FILIP1L: variants seen among roughly 807,000 people sequenced by gnomAD.
FILIP1L encodes filamin A interacting protein 1 like, also known as filamin A-interacting protein 1-like.
A neutral mutation model predicts 96.6 loss-of-function variants in FILIP1L; 55 were observed. The observed-to-expected ratio is 0.57, with a 90% CI of 0.46 to 0.71. The LOEUF is 0.71. Ranked by LOEUF, FILIP1L falls within the 30% of genes least tolerant of loss-of-function variation. The pLI is 0.00. For synonymous variants in FILIP1L, 467 were observed against 473.9 expected (o/e 0.99, Z 0.19); for missense variants, 1,304 against 1,321.2 (o/e 0.99, Z 0.20).
chr3:100,009,719 G>T (rs1363986780), intron 1 of FILIP1L, among the ~76,000 whole-genome samples: 3 of 152,192 alleles, frequency 2.0e-5, no homozygotes, highest in African/African-American at 7.2e-5. Flanking sequence ...CCTTTTTCTT[G>T]AGTCATAGGA....
In FILIP1L at chr3:99,931,718, G is replaced by A. The variant is rs187700745; in HGVS notation, c.-10-688C>T. On this transcript the variant is annotated intron_variant, in intron 1 of 5. Coordinates refer to ENST00000477258, the MANE Select transcript of FILIP1L (RefSeq NM_001387850.1). ...TATTTAGGACCCTCATCTTCAAAGC[G>A]GAGATACTACTACCTAACGTAGTTG... 6.6e-4 allele frequency among the ~76,000 whole-genome samples: 101 copies of A among 152,194 alleles called. 1 individual carries two copies. Among genetic ancestry groups the A allele is most frequent in the Admixed American group, 2.7e-3 (41 of 15,274 alleles).
Position 99,849,497 on chromosome 3 carries a change from G to T in FILIP1L, c.2179C>A (p.His727Asn). Residue 727 changes from histidine to asparagine, a missense_variant, in exon 5 of 6, where the codon CAT (histidine) becomes AAT (asparagine). His to Asn is a moderately conservative substitution (Grantham distance 68, BLOSUM62 1). Coordinates refer to ENST00000477258, the MANE Select transcript of FILIP1L (RefSeq NM_001387850.1). ...AGGTCTTCAGTTGCCATGTATTCAT[G>T]AATTTTCTCTTTTAATGCATCCACT... Reference protein sequence around the residue: ...REVDALKEKIHEYMATEDLIC... With the variant: ...REVDALKEKINEYMATEDLIC... The T allele has an allele frequency of 6.2e-7, 1 of 1,613,378 alleles. No homozygotes were observed. The highest frequency in any genetic ancestry group is 8.5e-7 in the Non-Finnish European group (1 of 1,179,892).
At chr3:99,943,576 C>T (rs1050360130) in intron 1 of FILIP1L, among the ~76,000 whole-genome samples, 9 of 151,936 alleles carry the variant, frequency 5.9e-5, no homozygotes, top group Admixed American at 2.6e-4. Context: ...TGGTGGCATG[C>T]GCCTGTAGTC....
chr3:99,923,093 A>AT (rs368917169), intron 4 of FILIP1L, among the ~76,000 whole-genome samples: 59 of 142,656 alleles, frequency 4.1e-4, no homozygotes, highest in East Asian at 8.1e-4. Context: ...AGCTTCCACC[A>AT]TTTTTTTTTT....
rs1559658765 is a variant in FILIP1L at position 99,850,800 on chromosome 3, C to CTCTA, written c.872_875dup (p.Glu292AspfsTer26). On this transcript the variant is annotated frameshift_variant, in exon 5 of 6. Coordinates refer to ENST00000477258, the MANE Select transcript of FILIP1L (RefSeq NM_001387850.1). LOFTEE classifies it high-confidence loss of function. The stretch of plus-strand genomic sequence containing the variant: ...TTGTGGTCTGCGTTTGCAGTTCCTT[C>CTCTA]TCTAGTCTGGTTGCCTTCTGCTCTT... 7 of 1,614,188 alleles carry CTCTA rather than the reference C, an allele frequency of 4.3e-6. No homozygotes were observed. The highest frequency in any genetic ancestry group is 1.7e-5 in the Admixed American group (1 of 60,018).
chr3:99,887,261 C>T (rs918678224), intron 4 of FILIP1L, among the ~76,000 whole-genome samples: 1 of 151,324 alleles, frequency 6.6e-6, no homozygotes, highest in South Asian at 2.1e-4. Flanking sequence ...CAGCAAAACT[C>T]CATCTCAAAA....
chr3:100,041,179 C>T (rs1410661176), intron 1 of FILIP1L: 2 of 152,142 alleles, frequency 1.3e-5, no homozygotes, highest in African/African-American at 4.8e-5. Context: ...CTTCTGCCTG[C>T]CCCACCCTAA....
chr3:99,963,905 C>T (rs754447420), intron 1 of FILIP1L, among the ~76,000 whole-genome samples: 157 of 152,232 alleles, frequency 1.0e-3, no homozygotes, highest in African/African-American at 3.4e-3. Context: ...TGTGAGCCAC[C>T]GCGCCCAGCC....
In FILIP1L at chr3:99,951,405, G is replaced by A. The variant is rs78106979; in HGVS notation, c.-10-20375C>T. Among the ~76,000 whole-genome samples the A allele has an allele frequency of 5.2e-3, 788 of 152,152 alleles. 11 individuals are homozygous for A. Among genetic ancestry groups the A allele is most frequent in the African/African-American group, 0.017 (691 of 41,506 alleles). ...GTCTGTTTGCTCACGGATACCTTGC[G>A]CATAGTATGTACTCTGTCGAATGAA... On this transcript the variant is annotated intron_variant, in intron 1 of 5. Coordinates refer to ENST00000477258, the MANE Select transcript of FILIP1L (RefSeq NM_001387850.1).
At chr3:100,027,975 G>A (rs1033299677) in intron 1 of FILIP1L, among the ~76,000 whole-genome samples, 1 of 152,232 alleles carries the variant, frequency 6.6e-6, no homozygotes, top group African/African-American at 2.4e-5. Context: ...GCTGTTGTTA[G>A]GTCCAATGGG....
intron 1 of FILIP1L, among the ~76,000 whole-genome samples, chr3:99,999,341 C>T (rs1226244505): frequency 2.0e-5 from 3 of 152,108 alleles, no homozygotes; most frequent in African/African-American, 4.8e-5. Context: ...GAATGGAAGG[C>T]GTGTATATTC....
At position 100,054,871 on chromosome 3, in the gene FILIP1L, A is replaced by G. The variant is rs527884293; in HGVS notation, c.-11+59182T>C. Among the ~76,000 whole-genome samples, 5 of 152,332 alleles carry G rather than the reference A, an allele frequency of 3.3e-5. No homozygotes were observed. The South Asian group carries it at 1.0e-3, about 32-fold the overall frequency. On this transcript the variant is annotated intron_variant, in intron 1 of 5. Transcript: ENST00000477258. Reference sequence around the variant, plus strand: ...TGCAAAAACTGAAATGTTCAGAAGTATGAGGTCATTTCAAATTTAGTCTCA... The same window carrying G: ...TGCAAAAACTGAAATGTTCAGAAGTGTGAGGTCATTTCAAATTTAGTCTCA...
chr3:99,950,750 G>A (rs931332882), intron 1 of FILIP1L, among the ~76,000 whole-genome samples: 2 of 152,116 alleles, frequency 1.3e-5, no homozygotes, highest in Admixed American at 6.5e-5. Context: ...TCTTTGTTAT[G>A]TTTTCCTTTT....
chr3:100,062,093 CTTTTTTTTTTTTTTTTTTTTTT>C (rs71907944), intron 1 of FILIP1L, among the ~76,000 whole-genome samples: 4 of 53,154 alleles, frequency 7.5e-5, no homozygotes, highest in Non-Finnish European at 1.4e-4. Flanking sequence ...CTGTCTTCTT[CTTTTTTTTTTTTTTTTTTTTTT>C]TTTTTTTTTT....
chr3:100,059,528 A>G (rs2065523442), intron 1 of FILIP1L, among the ~76,000 whole-genome samples: 1 of 152,172 alleles, frequency 6.6e-6, no homozygotes, highest in Non-Finnish European at 1.5e-5. Flanking sequence ...GAGGAGATGA[A>G]GACAAAGTTT....
At chr3:99,999,709 G>A (rs969157039) in intron 1 of FILIP1L, among the ~76,000 whole-genome samples, 1 of 152,130 alleles carries the variant, frequency 6.6e-6, no homozygotes, top group Non-Finnish European at 1.5e-5. Flanking sequence ...CAGAAGTTCA[G>A]GCAAAAGGTC....
intron 1 of FILIP1L, among the ~76,000 whole-genome samples, chr3:99,993,995 G>C (rs1709600347): frequency 6.6e-6 from 1 of 152,134 alleles, no homozygotes; most frequent in Non-Finnish European, 1.5e-5. Context: ...GAATAAGTTA[G>C]GGAGAATTCC....
chr3:99,894,335 G>A (rs148960848), intron 4 of FILIP1L, among the ~76,000 whole-genome samples: 301 of 152,298 alleles, frequency 2.0e-3, no homozygotes, highest in African/African-American at 6.8e-3. Context: ...TTGTTCATCT[G>A]TTGTGGGTGC....
chr3:99,839,051 C>T (rs1432876072), intron 5 of FILIP1L, among the ~76,000 whole-genome samples: 1 of 152,238 alleles, frequency 6.6e-6, no homozygotes, highest in East Asian at 1.9e-4. Context: ...GCCCCCACAC[C>T]TTTACCTTGT....
Sources: gnomAD v4.1 joint callset for allele counts (sites outside exome capture counted in the v4.1 genomes callset) on GRCh38, gnomAD v4.1.1 for gene constraint, MANE v1.5 for transcripts, NCBI Gene and HGNC (gene_info 2026-07-23, HGNC 2026-07-21) for gene names.